The following SIPA1L1 variants were observed in gnomAD, a reference collection of about 807,000 sequenced individuals.
SIPA1L1 encodes signal-induced proliferation-associated 1-like protein 1.
Under a neutral mutation model 162.7 loss-of-function variants are expected in SIPA1L1, and 26 were observed. The ratio of observed to expected loss-of-function variants is 0.16; its 90% CI spans 0.12 to 0.22. SIPA1L1 has a LOEUF of 0.22. Among genes scored for constraint, SIPA1L1 ranks in the 10% least tolerant of loss-of-function variants. The pLI, the probability that SIPA1L1 is intolerant of heterozygous loss-of-function variation, is 1.00. For synonymous variants in SIPA1L1, 829 were observed against 837.4 expected (o/e 0.99, Z 0.17); for missense variants, 1,874 against 2,241.0 (o/e 0.84, Z 3.31).
Position 71,739,128 on chromosome 14 carries a change from A to G in SIPA1L1, c.5319A>G (p.Thr1773=), listed in dbSNP as rs2152886946. 2 of 1,614,094 alleles carry G rather than the reference A, an allele frequency of 1.2e-6. No individual in the cohort carries two copies. Among genetic ancestry groups the G allele is most frequent in the Non-Finnish European group, 1.7e-6 (2 of 1,179,964 alleles). Residue 1773 remains threonine (T), a synonymous_variant, in exon 24 of 24, where the codon ACA becomes ACG. Transcript: ENST00000381232. ...QNASDKLKKF[T]EWVFNTIDMS is the part of the protein sequence containing the mutation. ...CCTCGGACAAGCTGAAGAAGTTCAC[A>G]GAATGGGTCTTCAACACCATAGACA...
At chr14:71,610,800 A>G (rs1421043754) in intron 5 of SIPA1L1, among the ~76,000 whole-genome samples, 3 of 152,228 alleles carry the variant, frequency 2.0e-5, no homozygotes, top group South Asian at 4.1e-4. Flanking sequence ...TTAGAGGCCT[A>G]TTAGGTGCTA....
intron 4 of SIPA1L1, among the ~76,000 whole-genome samples, chr14:71,543,846 G>A (rs1567178513): frequency 2.8e-5 from 4 of 145,202 alleles, no homozygotes; most frequent in Non-Finnish European, 4.5e-5. Context: ...TCATATGTAT[G>A]TGTATATATA....
At chr14:71,535,904 C>T (rs2145561129) in intron 4 of SIPA1L1, among the ~76,000 whole-genome samples, 1 of 152,300 alleles carries the variant, frequency 6.6e-6, no homozygotes, top group East Asian at 1.9e-4. Flanking sequence ...GCCACTGCAC[C>T]TGGTCCCTTC....
chr14:71,641,485 G>A (rs1334177840), intron 7 of SIPA1L1, among the ~76,000 whole-genome samples: 1 of 152,210 alleles, frequency 6.6e-6, no homozygotes, highest in African/African-American at 2.4e-5. Flanking sequence ...CACTTTGGGA[G>A]GCCGAGGCGG....
At chr14:71,411,267 A>G (rs1222237805) in intron 2 of SIPA1L1, among the ~76,000 whole-genome samples, 1 of 152,120 alleles carries the variant, frequency 6.6e-6, no homozygotes, top group Admixed American at 6.5e-5. Context: ...AAACTTTATT[A>G]TGAGTTTTTT....
chr14:71,422,869 T>C (rs913505620), intron 2 of SIPA1L1, among the ~76,000 whole-genome samples: 2 of 152,228 alleles, frequency 1.3e-5, no homozygotes, highest in African/African-American at 4.8e-5. Context: ...GATCATCTGG[T>C]AGTTCTATTA....
At chr14:71,722,058 A>G (rs191371904) in intron 17 of SIPA1L1, among the ~76,000 whole-genome samples, 4 of 152,236 alleles carry the variant, frequency 2.6e-5, no homozygotes, top group Admixed American at 2.6e-4. Context: ...GTGAGTTCCA[A>G]TGCAAAGTCC....
intron 2 of SIPA1L1, among the ~76,000 whole-genome samples, chr14:71,426,230 A>G (rs2043549932): frequency 6.6e-6 from 1 of 152,068 alleles, no homozygotes; most frequent in South Asian, 2.1e-4. Flanking sequence ...AGTTTAATCC[A>G]TTTACATTTA....
At chr14:71,580,321 G>A (rs2147279038) in intron 4 of SIPA1L1, among the ~76,000 whole-genome samples, 1 of 152,318 alleles carries the variant, frequency 6.6e-6, no homozygotes. Context: ...GAAAAGGACA[G>A]AATATACGTA....
At chr14:71,520,810 T>A (rs1055353585) in intron 3 of SIPA1L1, among the ~76,000 whole-genome samples, 11 of 152,152 alleles carry the variant, frequency 7.2e-5, no homozygotes, top group Non-Finnish European at 1.6e-4. Context: ...TGGAGTGCAG[T>A]GATGTGATCT....
At chr14:71,442,901 A>G (rs141489562) in intron 2 of SIPA1L1, among the ~76,000 whole-genome samples, 2 of 152,312 alleles carry the variant, frequency 1.3e-5, no homozygotes, top group Non-Finnish European at 2.9e-5. Context: ...ATGCCATTCT[A>G]CTCCAGCCTG....
intron 2 of SIPA1L1, among the ~76,000 whole-genome samples, chr14:71,357,392 G>C (rs1277238992): frequency 1.3e-5 from 2 of 152,166 alleles, no homozygotes; most frequent in African/African-American, 4.8e-5. Flanking sequence ...CTGTATAACT[G>C]GTTGGTGGTA....
chr14:71,552,543 C>A (rs1224283875), intron 4 of SIPA1L1, among the ~76,000 whole-genome samples: 3 of 152,076 alleles, frequency 2.0e-5, no homozygotes, highest in Non-Finnish European at 4.4e-5. Context: ...AGGCGCCCGC[C>A]ACCACGCCCG....
chr14:71,320,708 C>G (rs565629802), intron 1 of SIPA1L1, among the ~76,000 whole-genome samples: 19 of 150,750 alleles, frequency 1.3e-4, no homozygotes, highest in African/African-American at 3.4e-4. Flanking sequence ...CCTCATCCCC[C>G]CCCCGGCAAC....
At chr14:71,662,369 T>C (rs935906707) in intron 10 of SIPA1L1, among the ~76,000 whole-genome samples, 1 of 152,214 alleles carries the variant, frequency 6.6e-6, no homozygotes, top group African/African-American at 2.4e-5. Flanking sequence ...CTTGCACATA[T>C]CCTAATAACT....
intron 2 of SIPA1L1, among the ~76,000 whole-genome samples, chr14:71,329,459 G>A (rs1011585233): frequency 8.5e-5 from 12 of 140,408 alleles, no homozygotes; most frequent in African/African-American, 3.0e-4. Context: ...AAAATTTTTC[G>A]AGACAGGGTC....
At chr14:71,350,936 C>T (rs1240427623) in intron 2 of SIPA1L1, among the ~76,000 whole-genome samples, 1 of 152,168 alleles carries the variant, frequency 6.6e-6, no homozygotes, top group South Asian at 2.1e-4. Flanking sequence ...TCTGCACAAG[C>T]TGGAAGAGAA....
chr14:71,705,142 A>G (rs2082348921), intron 15 of SIPA1L1, 80 bp from the exon 16 acceptor site: 21 of 989,164 alleles, frequency 2.1e-5, no homozygotes, highest in South Asian at 1.9e-4. Flanking sequence ...GAAAGATGCA[A>G]TGGCAAGCCA....
intron 2 of SIPA1L1, among the ~76,000 whole-genome samples, chr14:71,379,977 C>G (rs2141169221): frequency 6.6e-6 from 1 of 152,082 alleles, no homozygotes; most frequent in Non-Finnish European, 1.5e-5. Context: ...CTTTCAAGTG[C>G]CTTCTTTTTG....
Sources: gnomAD v4.1 joint callset for allele counts (sites outside exome capture counted in the v4.1 genomes callset) on GRCh38, gnomAD v4.1.1 for gene constraint, MANE v1.5 for transcripts, NCBI Gene and HGNC (gene_info 2026-07-23, HGNC 2026-07-21) for gene names.